Variants in HTR1F observed in about 807,000 individuals in gnomAD.
HTR1F encodes the protein 5-hydroxytryptamine receptor 1F, also known as 5-hydroxytryptamine (serotonin) receptor 1F, G protein-coupled.
HTR1F carries 17 observed loss-of-function variants against 24.0 expected under a neutral mutation model. The ratio of observed to expected loss-of-function variants is 0.71; its 90% CI spans 0.48 to 1.06. The LOEUF (loss-of-function observed/expected upper bound fraction) is 1.06. HTR1F is among the 50% of genes least tolerant of loss of function. The pLI is 0.00. For missense variants in HTR1F, 391 were observed against 427.8 expected (o/e 0.91, Z 0.76); for synonymous variants, 186 against 156.8 (o/e 1.19, Z -1.39).
rs547059341 is a variant in HTR1F, at chr3:87,943,459, TCTC to T, written c.-42-47245_-42-47243del. On this transcript the variant is annotated intron_variant, in intron 2 of 2. Coordinates refer to ENST00000319595, the MANE Select transcript of HTR1F (RefSeq NM_001322209.2). ...TACATGCACTCTGGCTGGGCCAAATTCTCCTCTCTCACTGCTTGGAGGGGGCAT... is the reference window on the plus strand; with the variant it reads ...TACATGCACTCTGGCTGGGCCAAATTCTCTCTCACTGCTTGGAGGGGGCAT... 8.5e-5 allele frequency among the ~76,000 whole-genome samples: 13 copies of T among 152,182 alleles called. No individual in the cohort carries two copies. The South Asian group carries it at 2.7e-3, about 32-fold the overall frequency.
rs575276719 is a variant in HTR1F, at chr3:87,803,912, A to G, written c.-160+11070A>G. Reference sequence around the variant, plus strand: ...ATTATCCCCATTTTACAGAAGAGGGAAGTGATTCCCAGAGATGGTTTGTTT... The same window carrying G: ...ATTATCCCCATTTTACAGAAGAGGGGAGTGATTCCCAGAGATGGTTTGTTT... On this transcript the variant is annotated intron_variant, in intron 1 of 2. Coordinates refer to ENST00000319595, the MANE Select transcript of HTR1F (RefSeq NM_001322209.2). Among the ~76,000 whole-genome samples the G allele has an allele frequency of 2.0e-5, 3 of 152,248 alleles. No individual in the cohort carries two copies. The South Asian group carries it at 6.2e-4, about 32-fold the overall frequency.
intron 2 of HTR1F, among the ~76,000 whole-genome samples, chr3:87,970,708 C>G (rs1277579134): frequency 6.6e-6 from 1 of 152,164 alleles, no homozygotes; most frequent in Non-Finnish European, 1.5e-5. Context: ...CGGATTCCTT[C>G]CCTTATAATC....
rs143041738 is a variant in HTR1F, at chr3:87,953,640, A to G, written c.-42-37068A>G. On this transcript the variant is annotated intron_variant, in intron 2 of 2. Coordinates refer to ENST00000319595, the MANE Select transcript of HTR1F (RefSeq NM_001322209.2). ...AACGCAGTGGGAGATTTCTTCAAAAACTAAAAATGGAACTACTATATAAGC... is the reference window on the plus strand; with the variant it reads ...AACGCAGTGGGAGATTTCTTCAAAAGCTAAAAATGGAACTACTATATAAGC... 5.7e-4 allele frequency among the ~76,000 whole-genome samples: 86 copies of G among 151,916 alleles called. 1 individual carries two copies. Among genetic ancestry groups the G allele is most frequent in the Middle Eastern group, 3.4e-3 (1 of 294 alleles).
intron 2 of HTR1F, among the ~76,000 whole-genome samples, chr3:87,882,866 T>TA (rs1362937806): frequency 1.3e-5 from 2 of 151,768 alleles, no homozygotes; most frequent in African/African-American, 2.4e-5. Flanking sequence ...AATAAAAAAA[T>TA]AAAAAATAAA....
Position 87,839,608 on chromosome 3 carries a change from G to GT in HTR1F, c.-43+17492dup, listed in dbSNP as rs199634073. 2.2e-3 allele frequency among the ~76,000 whole-genome samples: 335 copies of GT among 151,320 alleles called. 3 individuals carry two copies. The highest frequency in any genetic ancestry group is 7.3e-3 in the African/African-American group (301 of 41,274). The stretch of plus-strand genomic sequence containing the variant: ...AAAAAGTCATTGGAATTTTTTGTTT[G>GT]TTTTTTTTCACTTTTAACTTTTATT... On this transcript the variant is annotated intron_variant, in intron 2 of 2. Coordinates refer to ENST00000319595, the MANE Select transcript of HTR1F (RefSeq NM_001322209.2).
In HTR1F at chr3:87,859,779, A is replaced by T. The variant is rs561015804; in HGVS notation, c.-43+37655A>T. On this transcript the variant is annotated intron_variant, in intron 2 of 2. Transcript: ENST00000319595. ...ATTCAGCCTAGGCCATGTCTTGATG[A>T]AAGCCAATAAATTCCAAATCATAAC... 2.6e-5 allele frequency among the ~76,000 whole-genome samples: 4 copies of T among 152,308 alleles called. No homozygotes were observed. In the South Asian group the frequency reaches 6.2e-4, roughly 24 times the overall value.
chr3:87,819,156 A>G (rs1438109204), intron 1 of HTR1F, among the ~76,000 whole-genome samples: 2 of 152,206 alleles, frequency 1.3e-5, no homozygotes, highest in African/African-American at 4.8e-5. Context: ...AGTATCAGCA[A>G]TAAGATTACT....
chr3:87,846,815 G>T (rs1450557565), intron 2 of HTR1F, among the ~76,000 whole-genome samples: 1 of 151,850 alleles, frequency 6.6e-6, no homozygotes, highest in African/African-American at 2.4e-5. Context: ...TATAGCTTTT[G>T]AAAGAAAATT....
intron 2 of HTR1F, among the ~76,000 whole-genome samples, chr3:87,873,791 G>A (rs564979162): frequency 6.6e-6 from 1 of 152,200 alleles, no homozygotes; most frequent in South Asian, 2.1e-4. Context: ...ATCAATCAAT[G>A]TGATACACCG....
At chr3:87,864,902 A>AAAAAGAAAAT (rs1705392469) in intron 2 of HTR1F, among the ~76,000 whole-genome samples, 1 of 144,438 alleles carries the variant, frequency 6.9e-6, no homozygotes, top group African/African-American at 2.7e-5. Flanking sequence ...AAAAAAAAAA[A>AAAAAGAAAAT]AAAAGAAAAG....
In HTR1F at chr3:87,986,667, G is replaced by T. The variant is rs1204275291; in HGVS notation, c.-42-4041G>T. ...CTGACACTTTCTCCTGTTTAAAATT[G>T]TATTCAAAAGGTAATTTCAGAATAA... On this transcript the variant is annotated intron_variant, in intron 2 of 2. Coordinates refer to ENST00000319595, the MANE Select transcript of HTR1F (RefSeq NM_001322209.2). Among the ~76,000 whole-genome samples, 3 of 152,032 alleles carry T rather than the reference G, an allele frequency of 2.0e-5. No individual in the cohort carries two copies. In the East Asian group the frequency reaches 5.8e-4, roughly 29 times the overall value.
intron 2 of HTR1F, among the ~76,000 whole-genome samples, chr3:87,971,281 A>G (rs1705280264): frequency 6.6e-6 from 1 of 152,130 alleles, no homozygotes; most frequent in Non-Finnish European, 1.5e-5. Context: ...TTAATAGGTA[A>G]CAATGGCCGG....
chr3:87,860,075 G>T (rs752414194), intron 2 of HTR1F, among the ~76,000 whole-genome samples: 2 of 152,130 alleles, frequency 1.3e-5, no homozygotes, highest in African/African-American at 2.4e-5. Flanking sequence ...GGCATTGAAG[G>T]TTACTTAGAA....
intron 2 of HTR1F, among the ~76,000 whole-genome samples, chr3:87,851,225 CT>C (rs1294549302): frequency 6.6e-6 from 1 of 151,598 alleles, no homozygotes; most frequent in Non-Finnish European, 1.5e-5. Context: ...TTGCAATTCT[CT>C]TTTTTCACTT....
At chr3:87,883,838 A>T (rs1217808584) in intron 2 of HTR1F, among the ~76,000 whole-genome samples, 1 of 152,180 alleles carries the variant, frequency 6.6e-6, no homozygotes, top group Non-Finnish European at 1.5e-5. Flanking sequence ...GAAATATGGG[A>T]CTATATGAAA....
intron 2 of HTR1F, among the ~76,000 whole-genome samples, chr3:87,952,172 T>C (rs373842833): frequency 1.6e-4 from 25 of 152,216 alleles, no homozygotes; most frequent in African/African-American, 5.8e-4. Flanking sequence ...GGTCACATTC[T>C]ACATTGACTC....
intron 2 of HTR1F, among the ~76,000 whole-genome samples, 23 bp downstream of exon 2, chr3:87,822,147 C>A (rs1704372148): frequency 6.6e-6 from 1 of 151,516 alleles, no homozygotes; most frequent in Non-Finnish European, 1.5e-5. Context: ...AGCTTTAAAC[C>A]ATGAAGAAAA....
At chr3:87,822,518 A>G (rs979869267) in intron 2 of HTR1F, among the ~76,000 whole-genome samples, 13 of 152,256 alleles carry the variant, frequency 8.5e-5, no homozygotes, top group African/African-American at 3.1e-4. Context: ...CTCAATTATA[A>G]TAATGATTTG....
intron 2 of HTR1F, among the ~76,000 whole-genome samples, chr3:87,846,379 G>T (rs1311826508): frequency 6.6e-6 from 1 of 151,886 alleles, no homozygotes; most frequent in Non-Finnish European, 1.5e-5. Flanking sequence ...GGTTGTTGCA[G>T]TGAGCCAAGA....
Sources: gnomAD v4.1 joint callset for allele counts (sites outside exome capture counted in the v4.1 genomes callset) on GRCh38, gnomAD v4.1.1 for gene constraint, MANE v1.5 for transcripts, NCBI Gene and HGNC (gene_info 2026-07-23, HGNC 2026-07-21) for gene names.